The following ZNF318 variants were observed in gnomAD, a reference collection of about 807,000 sequenced individuals.
The protein encoded by ZNF318 is endocrine regulator.
Under a neutral mutation model 124.2 loss-of-function variants are expected in ZNF318, and 51 were observed. The observed-to-expected ratio is 0.41, with a 90% CI of 0.33 to 0.52. The LOEUF is 0.52. ZNF318 is among the 20% of genes least tolerant of loss of function. The pLI is 0.23. For synonymous variants in ZNF318, 1,090 were observed against 1,040.7 expected, an observed-to-expected ratio of 1.05 and a Z score of -0.91; for missense variants, 2,815 against 2,811.2, an observed-to-expected ratio of 1.00 and a Z score of -0.03.
At position 43,355,186 on chromosome 6, in the gene ZNF318, G is replaced by C; in HGVS notation, c.2148C>G (p.Asp716Glu). 6.2e-7 allele frequency: 1 copy of C among 1,614,234 alleles called. No individual in the cohort carries two copies. Among genetic ancestry groups the C allele is most frequent in the Non-Finnish European group, 8.5e-7 (1 of 1,180,052 alleles). The change falls in exon 4 of 10, where the codon GAC (aspartate) becomes GAG (glutamate). Residue 716 changes from aspartate to glutamate, a missense_variant. This residue lies in a region of ZNF318 where 1,377 missense variants were observed against 1,353.5 expected (regional missense o/e 1.02). Coordinates refer to ENST00000361428, the MANE Select transcript of ZNF318 (RefSeq NM_014345.3). The stretch of plus-strand genomic sequence containing the variant: ...GTCCTGAAATATGACCCACTGGATG[G>C]TCAGACTTTAGGAATGGAGGGCTGT... ...TKNSPPFLKSDHPVGHISGPE... is the reference protein window; with the variant it reads ...TKNSPPFLKSEHPVGHISGPE...
chr6:43,357,159 C>T lies in ZNF318; in HGVS notation c.1155G>A (p.Arg385=). The change falls in exon 3 of 10, where the codon CGG becomes CGA. Residue 385 remains arginine (R), a synonymous_variant. Coordinates refer to ENST00000361428, the MANE Select transcript of ZNF318 (RefSeq NM_014345.3). ...AGGGCTCCATTATGTCCACCTCAATCCGCTTCTTCAAAATGGATTTCTTGG... is the reference window on the plus strand; with the variant it reads ...AGGGCTCCATTATGTCCACCTCAATTCGCTTCTTCAAAATGGATTTCTTGG... The part of the protein sequence containing the change: ...VMPKKSILKK[R]IEVDIMEPSM... 1 of 1,613,812 alleles carries T rather than the reference C, an allele frequency of 6.2e-7. No individual in the cohort carries two copies. The highest frequency in any genetic ancestry group is 1.7e-4 in the Middle Eastern group (1 of 6,060).
At position 43,355,627 on chromosome 6, in the gene ZNF318, G is replaced by A; in HGVS notation, c.1707C>T (p.Ser569=). 6.2e-7 allele frequency: 1 copy of A among 1,614,210 alleles called. No homozygotes were observed. The highest frequency in any genetic ancestry group is 1.3e-5 in the African/African-American group (1 of 75,056). Residue 569 remains serine (S), a synonymous_variant, in exon 4 of 10, where the codon TCC becomes TCT. Coordinates refer to ENST00000361428, the MANE Select transcript of ZNF318 (RefSeq NM_014345.3). ...ESEVMRQKAS[S]LPSSAPAVKL... is the part of the protein sequence containing the mutation. ...TTACAGCTGGAGCTGAAGACGGCAGGGAGCTTGCCTTCTGCCTCATAACTT... is the reference window on the plus strand; with the variant it reads ...TTACAGCTGGAGCTGAAGACGGCAGAGAGCTTGCCTTCTGCCTCATAACTT...
At chr6:43,356,673 T>TA (rs34648754) in intron 3 of ZNF318, among the ~76,000 whole-genome samples, 1 of 152,108 alleles carries the variant, frequency 6.6e-6, no homozygotes, top group East Asian at 1.9e-4. Context: ...GTGACTTGTC[T>TA]AAAAATCACA....
intron 6 of ZNF318, among the ~76,000 whole-genome samples, chr6:43,345,914 A>C (rs1779432613): frequency 6.6e-6 from 1 of 151,916 alleles, no homozygotes; most frequent in Admixed American, 6.6e-5. Context: ...GTTCAACACC[A>C]GCCTGGGGAC....
At position 43,337,959 on chromosome 6, in the gene ZNF318, G is replaced by A. The variant is rs1582578039; in HGVS notation, c.6039C>T (p.Ala2013=). 3 of 1,614,046 alleles carry A rather than the reference G, an allele frequency of 1.9e-6. No individual in the cohort carries two copies. Among genetic ancestry groups the A allele is most frequent in the East Asian group, 4.5e-5 (2 of 44,896 alleles). The change falls in exon 10 of 10, where the codon GCC becomes GCT. Residue 2013 remains alanine (A), a synonymous_variant. Coordinates refer to ENST00000361428, the MANE Select transcript of ZNF318 (RefSeq NM_014345.3). ...CAGGCATATCCCCCAGATTCCCCAG[G>A]GCAGTAAGCTCCTCTACCTTTAAGT... is the stretch of plus-strand genomic sequence containing the variant. ...ATDLKVEELT[A]LGNLGDMPVD...
intron 1 of ZNF318, among the ~76,000 whole-genome samples, chr6:43,367,943 T>C (rs1027933316): frequency 6.6e-6 from 1 of 152,204 alleles, no homozygotes; most frequent in Admixed American, 6.5e-5. Context: ...GAGGATTGAT[T>C]GAACCCCGGA....
chr6:43,355,511 A>C lies in ZNF318; in HGVS notation c.1823T>G (p.Ile608Ser), dbSNP rs1779593980. ...TIGLDIGVAE[I>S]SQLAARTQER... is the part of the protein sequence containing the mutation. ...CTGGGTGCGTGCAGCCAATTGACTA[A>C]TCTCTGCTACTCCAATATCCAGCCC... The change falls in exon 4 of 10, where the codon ATT (isoleucine) becomes AGT (serine). Residue 608 changes from isoleucine to serine, a missense_variant. Physicochemically the swap from Ile to Ser is moderately radical, Grantham distance 142. Transcript: ENST00000361428. The C allele has an allele frequency of 6.2e-7, 1 of 1,614,076 alleles. No individual in the cohort carries two copies. Among genetic ancestry groups the C allele is most frequent in the African/African-American group, 1.3e-5 (1 of 74,916 alleles).
chr6:43,342,614 G>A (rs1387151449), intron 7 of ZNF318, 62 bp downstream of exon 7: 21 of 1,527,592 alleles, frequency 1.4e-5, no homozygotes, highest in Non-Finnish European at 1.7e-5. Context: ...ATGCAGATAG[G>A]GGTATAGAAG....
In ZNF318 at chr6:43,339,114, A is replaced by C; in HGVS notation, c.4884T>G (p.His1628Gln). Residue 1628 changes from histidine to glutamine, a missense_variant, in exon 10 of 10, where the codon CAT becomes CAG. Transcript: ENST00000361428. The surrounding 1 kb of genome is among the most constrained non-coding windows in gnomAD (Gnocchi z 4.2). Reference sequence around the variant, plus strand: ...GAGCAGCGACCAAACCCTCATCTTGATGCAACTCCTCTTGGGATGCACTGC... The same window carrying C: ...GAGCAGCGACCAAACCCTCATCTTGCTGCAACTCCTCTTGGGATGCACTGC... ...LNSSASQEEL[H>Q]QDEGLVAAPI... The C allele has an allele frequency of 1.9e-6, 3 of 1,614,170 alleles. No homozygotes were observed. The highest frequency in any genetic ancestry group is 2.5e-6 in the Non-Finnish European group (3 of 1,180,020).
chr6:43,342,846 T>C lies in ZNF318; in HGVS notation c.3106A>G (p.Lys1036Glu), dbSNP rs138257810. The change falls in exon 7 of 10, where the codon AAG becomes GAG. Residue 1036 changes from lysine to glutamate, a missense_variant. This residue lies in a region of ZNF318 where 1,377 missense variants were observed against 1,353.5 expected (regional missense o/e 1.02). Transcript: ENST00000361428. The stretch of plus-strand genomic sequence containing the variant: ...GGGCTTTCGGCAGGCTTGGGGCTCT[T>C]AGTACGAAACTTCTCATTGTTTACT... ...SKVNNEKFRT[K>E]SPKPAESPQS... 5.6e-6 allele frequency: 9 copies of C among 1,613,516 alleles called. No individual in the cohort carries two copies. The highest frequency in any genetic ancestry group is 5.3e-5 in the African/African-American group (4 of 74,926).
intron 2 of ZNF318, 71 bp from the exon 3 acceptor site, chr6:43,357,836 T>G: frequency 7.1e-7 from 1 of 1,407,212 alleles, no homozygotes; most frequent in African/African-American, 1.4e-5. Flanking sequence ...GCTAAGAGAC[T>G]GGTGTTTGTC....
chr6:43,341,017 G>A (rs2150749288), intron 8 of ZNF318, 109 bp from the exon 9 acceptor site: 1 of 766,324 alleles, frequency 1.3e-6, no homozygotes, highest in South Asian at 1.5e-5. Flanking sequence ...CAGTATAGAG[G>A]GCCTTACCCA....
intron 5 of ZNF318, among the ~76,000 whole-genome samples, chr6:43,349,104 T>C (rs1779493435): frequency 6.6e-6 from 1 of 152,174 alleles, no homozygotes. Context: ...GTGAAGCTTC[T>C]ATGAAGGTAA....
rs1383226367 is a variant in ZNF318, at chr6:43,355,619, G to C, written c.1715C>G (p.Ser572Cys). 1 of 1,614,112 alleles carries C rather than the reference G, an allele frequency of 6.2e-7. No individual in the cohort carries two copies. The highest frequency in any genetic ancestry group is 1.7e-5 in the Admixed American group (1 of 60,006). ...VMRQKASSLP[S>C]SAPAVKLESL... ...TTCTAGCTTTACAGCTGGAGCTGAA[G>C]ACGGCAGGGAGCTTGCCTTCTGCCT... The change falls in exon 4 of 10, where the codon TCT becomes TGT. Residue 572 changes from serine to cysteine, a missense_variant. Around this residue, in one of 4 missense-constraint regions of ZNF318, gnomAD observed 1,377 missense variants for 1,353.5 expected, o/e 1.02. Transcript: ENST00000361428.
chr6:43,353,788 C>T (rs1266021068), intron 4 of ZNF318, among the ~76,000 whole-genome samples: 1 of 152,158 alleles, frequency 6.6e-6, no homozygotes, highest in Non-Finnish European at 1.5e-5. Context: ...ATTAACTCTT[C>T]CACTCAAAAT....
chr6:43,337,669 G>T lies in ZNF318; in HGVS notation c.6329C>A (p.Thr2110Lys), dbSNP rs370153836. 7.4e-6 allele frequency: 12 copies of T among 1,614,010 alleles called. No individual in the cohort carries two copies. In the Admixed American group the frequency reaches 1.0e-4, roughly 13 times the overall value. The stretch of plus-strand genomic sequence containing the variant: ...CCCCAAGCCACGGTCAACATTTTCT[G>T]TAAGTCCAGTTTTCAAAATGTTAGG... ...PSPNILKTGL[T>K]ENVDRGLGGL... is the part of the protein sequence containing the mutation. Residue 2110 changes from threonine to lysine, a missense_variant, in exon 10 of 10, where the codon ACA becomes AAA. Thr to Lys is a moderately conservative substitution (Grantham distance 78). Coordinates refer to ENST00000361428, the MANE Select transcript of ZNF318 (RefSeq NM_014345.3).
intron 1 of ZNF318, among the ~76,000 whole-genome samples, chr6:43,366,637 A>T (rs1779764807): frequency 6.6e-6 from 1 of 152,094 alleles, no homozygotes; most frequent in African/African-American, 2.4e-5. Context: ...CCCCACACCA[A>T]AACATTTTTT....
At chr6:43,357,882 A>C in intron 2 of ZNF318, 117 bp from the exon 3 acceptor site, 1 of 906,512 alleles carries the variant, frequency 1.1e-6, no homozygotes, top group East Asian at 2.4e-5. Flanking sequence ...AAAAGACTAT[A>C]ATCATGAAGT....
Position 43,340,224 on chromosome 6 carries a change from C to T in ZNF318, c.3774G>A (p.Gln1258=), listed in dbSNP as rs777975065. 4.3e-6 allele frequency: 7 copies of T among 1,614,082 alleles called. No homozygotes were observed. In the African/African-American group the frequency reaches 8.0e-5, roughly 18 times the overall value. ...ENKRNTGIKL[Q]LKEEVKKESP... ...ATTCCTTCTTTACCTCTTCTTTTAA[C>T]TGGAGTTTGATGCCAGTGTTCCTTT... is the stretch of plus-strand genomic sequence containing the variant. The change falls in exon 10 of 10, where the codon CAG becomes CAA. Residue 1258 remains glutamine, a synonymous_variant. Transcript: ENST00000361428.
Sources: gnomAD v4.1 joint callset for allele counts (sites outside exome capture counted in the v4.1 genomes callset) on GRCh38, gnomAD v4.1.1 for gene constraint, gnomAD v4.1.1 regional missense constraint, Gnocchi (gnomAD v3.1) non-coding constraint, MANE v1.5 for transcripts, NCBI Gene and HGNC (gene_info 2026-07-23, HGNC 2026-07-21) for gene names.